RANBP2: variants seen among roughly 807,000 people sequenced by gnomAD.
RANBP2 encodes the protein E3 SUMO-protein ligase RanBP2.
RANBP2 carries 57 observed loss-of-function variants against 303.6 expected under a neutral mutation model. The observed-to-expected ratio is 0.19, with a 90% CI of 0.15 to 0.23. RANBP2 has a LOEUF of 0.23. Ranked by LOEUF, RANBP2 falls within the 10% of genes least tolerant of loss-of-function variation. RANBP2 has a pLI of 1.00. For synonymous variants in RANBP2, 1,167 were observed against 1,301.5 expected, an observed-to-expected ratio of 0.90 and a Z score of 2.23; for missense variants, 3,138 against 3,780.8, an observed-to-expected ratio of 0.83 and a Z score of 4.46.
chr2:108,968,814 G>A, the RANBP2 span, among the ~76,000 whole-genome samples: 1 of 152,214 alleles, frequency 6.6e-6, no homozygotes, highest in Non-Finnish European at 1.5e-5. Context: ...CTGAGATGAT[G>A]TCATCTCCAG....
chr2:109,629,329 ATATATATATATATATATATATATATATT>A, the RANBP2 span, among the ~76,000 whole-genome samples: 2,807 of 44,856 alleles, frequency 0.063, 243 homozygotes, highest in African/African-American at 0.16. Flanking sequence ...ATATATATAT[ATATATATATATATATATATATATATATT>A]TTTTTTTTTT....
chr2:109,173,303 C>G, the RANBP2 span, among the ~76,000 whole-genome samples: 32 of 152,230 alleles, frequency 2.1e-4, no homozygotes, highest in Middle Eastern at 0.014. Context: ...CCTGCACTTG[C>G]GTTTTCTCCT....
chr2:109,569,809 C>T, the RANBP2 span, among the ~76,000 whole-genome samples: 1 of 151,968 alleles, frequency 6.6e-6, no homozygotes, highest in African/African-American at 2.4e-5. Flanking sequence ...GGGAAAGTAA[C>T]AGATATTGCC....
At chr2:109,420,071 C>T in the RANBP2 span, among the ~76,000 whole-genome samples, 12 of 152,200 alleles carry the variant, frequency 7.9e-5, no homozygotes, top group African/African-American at 2.9e-4. Flanking sequence ...TTTCAGCCCC[C>T]GTCCCAGGGC....
chr2:109,645,442 G>A, the RANBP2 span, among the ~76,000 whole-genome samples: 3 of 152,230 alleles, frequency 2.0e-5, no homozygotes, highest in African/African-American at 7.2e-5. Flanking sequence ...AAAGCCAATT[G>A]TTGCTGTCAT....
At chr2:108,886,017 G>A in the RANBP2 span, among the ~76,000 whole-genome samples, 2 of 152,250 alleles carry the variant, frequency 1.3e-5, no homozygotes, top group South Asian at 4.2e-4. Context: ...CCGCTGATGG[G>A]CACTTAGTTT....
At chr2:109,505,578 T>C in the RANBP2 span, among the ~76,000 whole-genome samples, 3 of 151,964 alleles carry the variant, frequency 2.0e-5, no homozygotes, top group African/African-American at 7.3e-5. Context: ...ACTGGGGAGG[T>C]AGCTGCAGGC....
At chr2:109,012,929 CA>C in the RANBP2 span, among the ~76,000 whole-genome samples, 4 of 151,910 alleles carry the variant, frequency 2.6e-5, no homozygotes, top group Non-Finnish European at 5.9e-5. Flanking sequence ...ACAACAACAA[CA>C]AAAAAAACTT....
At chr2:109,602,605 G>A in the RANBP2 span, among the ~76,000 whole-genome samples, 8 of 151,278 alleles carry the variant, frequency 5.3e-5, no homozygotes, top group African/African-American at 1.9e-4. Flanking sequence ...AACCTGGGAG[G>A]CAGAGGTTGC....
the RANBP2 span, among the ~76,000 whole-genome samples, chr2:109,348,418 C>T: frequency 2.0e-5 from 3 of 152,174 alleles, no homozygotes; most frequent in Non-Finnish European, 4.4e-5. Flanking sequence ...ACAGCCCTGT[C>T]CTCTAGGGCA....
chr2:108,796,012 G>T, the RANBP2 span, among the ~76,000 whole-genome samples: 5 of 152,058 alleles, frequency 3.3e-5, no homozygotes, highest in Non-Finnish European at 5.9e-5. Context: ...GAAGTGCAAT[G>T]GATTAACTGG....
chr2:109,421,370 C>G, the RANBP2 span, among the ~76,000 whole-genome samples: 1 of 152,204 alleles, frequency 6.6e-6, no homozygotes, highest in Non-Finnish European at 1.5e-5. Context: ...GAGCAAAGGC[C>G]TCCCCTTCCT....
the RANBP2 span, among the ~76,000 whole-genome samples, chr2:109,159,989 T>C: frequency 6.6e-6 from 1 of 152,232 alleles, no homozygotes; most frequent in Non-Finnish European, 1.5e-5. Context: ...ACAATAAATG[T>C]GATGCGCTTG....
the RANBP2 span, among the ~76,000 whole-genome samples, chr2:109,289,533 A>G: frequency 1.3e-5 from 2 of 152,188 alleles, no homozygotes; most frequent in Non-Finnish European, 2.9e-5. Flanking sequence ...AAATCTGTGT[A>G]AGGATCTTAG....
the RANBP2 span, among the ~76,000 whole-genome samples, chr2:109,253,432 G>T: frequency 6.6e-6 from 1 of 152,206 alleles, no homozygotes; most frequent in Admixed American, 6.5e-5. Context: ...CAGGACGTGG[G>T]CGCTGCTTTC....
At chr2:109,422,287 G>C in the RANBP2 span, among the ~76,000 whole-genome samples, 3 of 152,236 alleles carry the variant, frequency 2.0e-5, no homozygotes, top group African/African-American at 7.2e-5. Context: ...TGATGTGAAA[G>C]TCAGCCATGG....
At chr2:109,563,675 T>C in the RANBP2 span, among the ~76,000 whole-genome samples, 1 of 152,230 alleles carries the variant, frequency 6.6e-6, no homozygotes, top group Non-Finnish European at 1.5e-5. Flanking sequence ...CTAAAATTCT[T>C]ATAACTACAC....
At chr2:109,585,449 A>G in the RANBP2 span, 1 of 780,390 alleles carries the variant, frequency 1.3e-6, no homozygotes, top group South Asian at 1.9e-5. Flanking sequence ...AAAGAAATAC[A>G]CACTACGGCT....
chr2:109,066,789 G>T, the RANBP2 span, among the ~76,000 whole-genome samples: 3 of 152,256 alleles, frequency 2.0e-5, no homozygotes, highest in East Asian at 5.8e-4. Flanking sequence ...TACAGGAGGA[G>T]ATTATGACAG....
Sources: allele counts gnomAD v4.1 joint callset (sites outside exome capture counted in the v4.1 genomes callset), GRCh38; gene constraint gnomAD v4.1.1; transcripts MANE v1.5; gene names NCBI Gene and HGNC (gene_info 2026-07-23, HGNC 2026-07-21).